Variants in ANO3 observed in about 807,000 individuals in gnomAD.
The protein encoded by ANO3 is anoctamin-3.
A neutral mutation model predicts 144.8 loss-of-function variants in ANO3; 99 were observed. The ratio of observed to expected loss-of-function variants is 0.68; its 90% CI spans 0.58 to 0.81. The LOEUF (loss-of-function observed/expected upper bound fraction) is 0.81. Ranked by LOEUF, ANO3 falls within the 30% of genes least tolerant of loss-of-function variation. ANO3 has a pLI of 0.00. For synonymous variants in ANO3, 414 were observed against 392.6 expected, an observed-to-expected ratio of 1.05 and a Z score of -0.64; for missense variants, 905 against 1,202.2, an observed-to-expected ratio of 0.75 and a Z score of 3.66.
chr11:26,273,762 C>A (rs1479396118), intron 1 of ANO3, among the ~76,000 whole-genome samples: 1 of 151,384 alleles, frequency 6.6e-6, no homozygotes, highest in African/African-American at 2.4e-5. Flanking sequence ...AGGAGTTAAC[C>A]GAAGATGACT....
At chr11:26,306,567 G>A (rs921691303), upstream of ANO3, among the ~76,000 whole-genome samples, 65 of 152,254 alleles carry the variant, frequency 4.3e-4, no homozygotes, top group African/African-American at 1.4e-3. Context: ...GGGAGGCTGA[G>A]GTGGGAGGAT....
chr11:26,656,179 T>C lies in ANO3; in HGVS notation c.2631T>C (p.Leu877=). The change falls in exon 25 of 27, where the codon CTT becomes CTC. Residue 877 remains leucine, a synonymous_variant. Transcript: ENST00000256737. ...NSLSFFDLSE[L]GMGKSGYCRY... Reference sequence around the variant, plus strand: ...TATCCTTCTTTGACCTGAGTGAGCTTGGTATGGGAAAATCTGGTTATTGCA... The same window carrying C: ...TATCCTTCTTTGACCTGAGTGAGCTCGGTATGGGAAAATCTGGTTATTGCA... 4 of 1,613,726 alleles carry C rather than the reference T, an allele frequency of 2.5e-6. No homozygotes were observed. The highest frequency in any genetic ancestry group is 3.4e-6 in the Non-Finnish European group (4 of 1,179,718).
intron 14 of ANO3, among the ~76,000 whole-genome samples, chr11:26,588,032 A>T (rs185427734): frequency 6.6e-6 from 1 of 151,842 alleles, no homozygotes; most frequent in Non-Finnish European, 1.5e-5. Flanking sequence ...ATCACTGATT[A>T]TTTAAAAAAT....
At chr11:26,193,379 TG>T (rs1343410387) in intron 1 of ANO3, among the ~76,000 whole-genome samples, 4 of 151,998 alleles carry the variant, frequency 2.6e-5, no homozygotes, top group African/African-American at 9.7e-5. Flanking sequence ...TGACCTCAGG[TG>T]CCACCCGCCT....
intron 1 of ANO3, among the ~76,000 whole-genome samples, chr11:26,358,158 A>G (rs1276566326): frequency 6.8e-6 from 1 of 146,564 alleles, no homozygotes; most frequent in South Asian, 2.1e-4. Context: ...GAAGCTTAGA[A>G]TACAATTTCA....
In ANO3 at chr11:26,237,116, C is replaced by T. The variant is rs926595087; in HGVS notation, c.154+47786C>T. On this transcript the variant is annotated intron_variant, in intron 1 of 27. Coordinates refer to the ANO3 transcript ENST00000672621. ...GTGTGTGAATTACACAATTCCAACT[C>T]CCGGAGTATTGTCAATGTTCTTATC... Among the ~76,000 whole-genome samples the T allele has an allele frequency of 9.5e-4, 144 of 151,978 alleles. 1 individual carries two copies. Among genetic ancestry groups the T allele is most frequent in the Non-Finnish European group, 1.8e-3 (122 of 67,980 alleles).
chr11:26,229,768 CTT>C (rs1237655581), intron 1 of ANO3, among the ~76,000 whole-genome samples: 1 of 151,520 alleles, frequency 6.6e-6, no homozygotes, highest in East Asian at 1.9e-4. Context: ...GGGTGTGAAA[CTT>C]TAAAATTGTG....
chr11:26,277,595 C>A (rs1472639416), intron 1 of ANO3, among the ~76,000 whole-genome samples: 1 of 151,980 alleles, frequency 6.6e-6, no homozygotes, highest in Non-Finnish European at 1.5e-5. Flanking sequence ...ACTGCGCTAA[C>A]CTAGAGAAGT....
chr11:26,256,397 T>C (rs1458728556), intron 1 of ANO3, among the ~76,000 whole-genome samples: 1 of 152,154 alleles, frequency 6.6e-6, no homozygotes, highest in African/African-American at 2.4e-5. Context: ...AAATTCTTCA[T>C]TATGTTTTTG....
chr11:26,396,557 A>G (rs1007326067), intron 1 of ANO3, among the ~76,000 whole-genome samples: 10 of 152,084 alleles, frequency 6.6e-5, no homozygotes, highest in South Asian at 2.1e-4. Context: ...ATGCCCATCA[A>G]TGATTAACTG....
intron 1 of ANO3, among the ~76,000 whole-genome samples, chr11:26,424,697 G>A (rs1447438765): frequency 6.6e-6 from 1 of 152,016 alleles, no homozygotes; most frequent in East Asian, 1.9e-4. Flanking sequence ...TTAAACAAGA[G>A]AAAGTATTAG....
At chr11:26,566,323 CG>C (rs1554971231) in intron 14 of ANO3, among the ~76,000 whole-genome samples, 2 of 151,778 alleles carry the variant, frequency 1.3e-5, no homozygotes, top group Non-Finnish European at 1.5e-5. Flanking sequence ...TTTAAGAAAA[CG>C]CATTCTTTAT....
At chr11:26,445,146 G>A (rs1243363351) in intron 3 of ANO3, among the ~76,000 whole-genome samples, 1 of 152,160 alleles carries the variant, frequency 6.6e-6, no homozygotes, top group African/African-American at 2.4e-5. Context: ...GCTCCAGTGA[G>A]CATTTCCATT....
intron 1 of ANO3, among the ~76,000 whole-genome samples, chr11:26,317,989 T>G (rs1001910545): frequency 6.6e-6 from 1 of 152,186 alleles, no homozygotes; most frequent in African/African-American, 2.4e-5. Context: ...ACCATCATTC[T>G]CAGCAAACTA....
At chr11:26,344,153 G>A (rs1425694997) in intron 1 of ANO3, among the ~76,000 whole-genome samples, 1 of 152,054 alleles carries the variant, frequency 6.6e-6, no homozygotes, top group Admixed American at 6.6e-5. Flanking sequence ...ATAAATAATA[G>A]AGAGCAATAT....
intron 4 of ANO3, among the ~76,000 whole-genome samples, chr11:26,490,287 C>G (rs1284388957): frequency 6.6e-6 from 1 of 152,152 alleles, no homozygotes; most frequent in African/African-American, 2.4e-5. Context: ...GATTCTGAGG[C>G]CTCCCTAGAC....
intron 1 of ANO3, among the ~76,000 whole-genome samples, chr11:26,268,300 A>C (rs1853359156): frequency 6.6e-6 from 1 of 152,198 alleles, no homozygotes; most frequent in Non-Finnish European, 1.5e-5. Context: ...AATGGCATCA[A>C]TATCCAGTCT....
chr11:26,578,369 C>T (rs540797354), intron 14 of ANO3, among the ~76,000 whole-genome samples: 1 of 152,198 alleles, frequency 6.6e-6, no homozygotes, highest in African/African-American at 2.4e-5. Context: ...CTCAGCAGTA[C>T]GTATTGACAT....
chr11:26,523,912 A>G (rs903170116), intron 6 of ANO3, among the ~76,000 whole-genome samples: 12 of 152,206 alleles, frequency 7.9e-5, no homozygotes, highest in African/African-American at 2.9e-4. Context: ...TTACAGTTGT[A>G]AACATTATCT....
Sources: allele counts gnomAD v4.1 joint callset (sites outside exome capture counted in the v4.1 genomes callset), GRCh38; gene constraint gnomAD v4.1.1; transcripts MANE v1.5; gene names NCBI Gene and HGNC (gene_info 2026-07-23, HGNC 2026-07-21).